The following NIN variants were observed in gnomAD, a reference collection of about 807,000 sequenced individuals.
NIN encodes the protein ninein.
NIN carries 137 observed loss-of-function variants against 257.6 expected under a neutral mutation model. That is an observed-to-expected ratio of 0.53 (90% CI 0.46 to 0.61). The LOEUF (loss-of-function observed/expected upper bound fraction) is 0.61, where lower values mean the gene tolerates loss of function less well. Ranked by LOEUF, NIN falls within the 20% of genes least tolerant of loss-of-function variation. The pLI, the probability that NIN is intolerant of heterozygous loss-of-function variation, is 0.00. For missense variants in NIN, 2,439 were observed against 2,501.2 expected (o/e 0.98, Z 0.53); for synonymous variants, 918 against 919.8 (o/e 1.00, Z 0.04).
chr14:50,729,752 GCTGAGTCCCTTCA>G, intron 28 of NIN, 29 bp from the exon 29 acceptor site: 2 of 1,530,018 alleles, frequency 1.3e-6, no homozygotes, highest in African/African-American at 2.7e-5. Flanking sequence ...GCCCTGTTCA[GCTGAGTCCCTTCA>G]ATCCCAGAGC....
In NIN at chr14:50,726,798, C is replaced by T. The variant is rs1256483906; in HGVS notation, c.6079-732G>A. ...GACTTATTAGAATGCAACCCCCATCCCTCTGCAGTCCACCAAAATGTCCCC... is the reference window on the plus strand; with the variant it reads ...GACTTATTAGAATGCAACCCCCATCTCTCTGCAGTCCACCAAAATGTCCCC... On this transcript the variant is annotated intron_variant, in intron 29 of 30. Transcript: ENST00000530997. Among the ~76,000 whole-genome samples the T allele has an allele frequency of 3.9e-5, 6 of 152,174 alleles. No homozygotes were observed. In the East Asian group the frequency reaches 1.2e-3, roughly 29 times the overall value.
chr14:50,754,859 G>T lies in NIN; in HGVS notation c.4547C>A (p.Ser1516Tyr). 1 of 1,567,028 alleles carries T rather than the reference G, an allele frequency of 6.4e-7. No homozygotes were observed. Among genetic ancestry groups the T allele is most frequent in the Middle Eastern group, 2.0e-4 (1 of 4,904 alleles). The change falls in exon 19 of 31, where the codon TCT (serine) becomes TAT (tyrosine). Residue 1516 changes from serine to tyrosine, a missense_variant. Ser to Tyr is a moderately radical substitution (Grantham distance 144). Transcript: ENST00000530997. ...QQKVELLRYE[S>Y]EKLQQENSIL... ...AGAATTTTCCTGTTGAAGCTTTTCA[G>T]ATTCATATCTGAAGCACAGAGATTG...
intron 12 of NIN, among the ~76,000 whole-genome samples, chr14:50,768,076 C>T (rs1051317236): frequency 3.3e-5 from 5 of 151,120 alleles, no homozygotes; most frequent in African/African-American, 1.2e-4. Flanking sequence ...CACACACACA[C>T]ACACACACAC....
chr14:50,727,812 G>A (rs2040486413), intron 29 of NIN: 7 of 1,372,058 alleles, frequency 5.1e-6, no homozygotes, highest in Non-Finnish European at 6.9e-6. Flanking sequence ...TTTAGGGGGA[G>A]TCTAAATTCA....
chr14:50,761,886 T>A lies in NIN; in HGVS notation c.1800A>T (p.Pro600=). The part of the protein sequence containing the change: ...EHGLGSEECN[P]LNMSIEAELV... The stretch of plus-strand genomic sequence containing the variant: ...GCTCTGCCTCAATGCTCATATTCAA[T>A]GGATTGCATTCTTCAGAACCGAGCC... Residue 600 remains proline (P), a synonymous_variant, in exon 16 of 31, where the codon CCA becomes CCT. Coordinates refer to ENST00000530997, the MANE Select transcript of NIN (RefSeq NM_020921.4). The A allele has an allele frequency of 6.2e-7, 1 of 1,614,166 alleles. No individual in the cohort carries two copies. The highest frequency in any genetic ancestry group is 8.5e-7 in the Non-Finnish European group (1 of 1,180,012).
chr14:50,733,498 G>A (rs192169470), intron 28 of NIN, among the ~76,000 whole-genome samples: 145 of 152,192 alleles, frequency 9.5e-4, no homozygotes, highest in Non-Finnish European at 5.1e-4. Context: ...TTAGCTGTTC[G>A]GCTCCAGTGT....
chr14:50,816,591 AC>A (rs562933820), intron 3 of NIN, among the ~76,000 whole-genome samples: 2 of 152,136 alleles, frequency 1.3e-5, no homozygotes, highest in South Asian at 4.1e-4. Flanking sequence ...CCTGGCACTG[AC>A]TCAAATGAGT....
At chr14:50,804,187 G>C (rs557580670) in intron 4 of NIN, among the ~76,000 whole-genome samples, 1 of 152,112 alleles carries the variant, frequency 6.6e-6, no homozygotes, top group African/African-American at 2.4e-5. Flanking sequence ...ATGAGCCACC[G>C]CACCCAGCTC....
intron 3 of NIN, among the ~76,000 whole-genome samples, chr14:50,814,245 A>T (rs577222296): frequency 1.0e-3 from 154 of 152,336 alleles, no homozygotes; most frequent in Non-Finnish European, 2.0e-3. Flanking sequence ...TACAGATGGA[A>T]ATGAATTCAA....
rs547147737 is a variant in NIN at position 50,722,157 on chromosome 14, T to C, written c.*1306A>G. 54 of 228,048 alleles carry C rather than the reference T, an allele frequency of 2.4e-4. No homozygotes were observed. The highest frequency in any genetic ancestry group is 6.9e-4 in the African/African-American group (31 of 45,122). 14.1% of individuals were successfully genotyped at this position (228,048 alleles called of 1,614,324 possible). A position where few individuals can be genotyped will look rare whatever the true frequency, so the allele number is the denominator to read the frequency against. The stretch of plus-strand genomic sequence containing the variant: ...CGGAAGTGGCTAGCAGAGATTATAA[T>C]TGGAAGAAAAAAAAGGTTACCGAAT... On this transcript the variant is annotated 3_prime_UTR_variant, in exon 31 of 31. Coordinates refer to ENST00000530997, the MANE Select transcript of NIN (RefSeq NM_020921.4).
At position 50,788,032 on chromosome 14, in the gene NIN, T is replaced by C. The variant is rs528733756; in HGVS notation, c.435+4680A>G. Among the ~76,000 whole-genome samples the C allele has an allele frequency of 2.0e-5, 3 of 151,960 alleles. No individual in the cohort carries two copies. In the East Asian group the frequency reaches 5.8e-4, roughly 29 times the overall value. On this transcript the variant is annotated intron_variant, in intron 5 of 30. Coordinates refer to ENST00000530997, the MANE Select transcript of NIN (RefSeq NM_020921.4). ...ACAATAAAGGAAAAGACTGGAATTC[T>C]GTTAAAAAAAAAAGTCTATCCTGAA... is the stretch of plus-strand genomic sequence containing the variant.
Position 50,756,687 on chromosome 14 carries a change from T to A in NIN, c.4343A>T (p.Gln1448Leu), listed in dbSNP as rs1440591707. ...LGFQDKHFQH[Q>L]ATIAELELEK... ...CAGTTCTAACTCTGCTATGGTGGCC[T>A]GATGCTGAAAATGTTTGTCTTGAAA... Residue 1448 changes from glutamine to leucine, a missense_variant, in exon 18 of 31, where the codon CAG becomes CTG. Transcript: ENST00000530997. The A allele has an allele frequency of 5.2e-6, 8 of 1,551,824 alleles. No homozygotes were observed. Among genetic ancestry groups the A allele is most frequent in the Non-Finnish European group, 7.0e-6 (8 of 1,147,038 alleles).
At chr14:50,747,161 T>A (rs901929179) in intron 22 of NIN, among the ~76,000 whole-genome samples, 4 of 152,202 alleles carry the variant, frequency 2.6e-5, no homozygotes, top group Admixed American at 1.3e-4. Context: ...GGCCTAAAGT[T>A]AAGCCTTTGT....
In NIN at chr14:50,741,628, T is replaced by C. The variant is rs1233813365; in HGVS notation, c.5402A>G (p.Gln1801Arg). Residue 1801 changes from glutamine to arginine, a missense_variant, in exon 25 of 31, where the codon CAA becomes CGA. By Grantham distance (43) the Gln-to-Arg change is conservative. Coordinates refer to ENST00000530997, the MANE Select transcript of NIN (RefSeq NM_020921.4). The stretch of plus-strand genomic sequence containing the variant: ...TTGCTTATGTAAAGACATCACTTCT[T>C]GTTTTAAAGCCTCCTTTTCCTGCTG... ...VTQQEKEALK[Q>R]EVMSLHKQLQ... 2 of 1,614,164 alleles carry C rather than the reference T, an allele frequency of 1.2e-6. No individual in the cohort carries two copies. Among genetic ancestry groups the C allele is most frequent in the Admixed American group, 3.3e-5 (2 of 60,028 alleles).
rs551402430 is a variant in NIN at position 50,815,600 on chromosome 14, T to C, written c.183+6274A>G. Among the ~76,000 whole-genome samples the C allele has an allele frequency of 1.3e-4, 20 of 152,344 alleles. No individual in the cohort carries two copies. In the South Asian group the frequency reaches 3.7e-3, roughly 28 times the overall value. On this transcript the variant is annotated intron_variant, in intron 3 of 30. Transcript: ENST00000530997. Reference sequence around the variant, plus strand: ...GAAGATATATGCATGCATATGTTCATTGCAGCACTATTCACAATAGCAAAG... The same window carrying C: ...GAAGATATATGCATGCATATGTTCACTGCAGCACTATTCACAATAGCAAAG...
intron 2 of NIN, among the ~76,000 whole-genome samples, chr14:50,825,055 A>G (rs371403997): frequency 6.6e-6 from 1 of 152,272 alleles, no homozygotes; most frequent in Non-Finnish European, 1.5e-5. Context: ...CGATTACAGC[A>G]TGAGAATAAC....
chr14:50,761,908 A>C lies in NIN; in HGVS notation c.1778T>G (p.Leu593Arg). The change falls in exon 16 of 31, where the codon CTC becomes CGC. Residue 593 changes from leucine (L) to arginine (R), a missense_variant. Transcript: ENST00000530997. ...CAATGGATTGCATTCTTCAGAACCG[A>C]GCCCTGAAAACACATGGGACTCATT... The part of the protein sequence containing the change: ...NSGGIEPEHG[L>R]GSEECNPLNM... 6.2e-7 allele frequency: 1 copy of C among 1,614,096 alleles called. No homozygotes were observed. Among genetic ancestry groups the C allele is most frequent in the Non-Finnish European group, 8.5e-7 (1 of 1,179,982 alleles).
In NIN at chr14:50,756,792, T is replaced by C. The variant is rs1380579655; in HGVS notation, c.4238A>G (p.His1413Arg). The change falls in exon 18 of 31, where the codon CAT becomes CGT. Residue 1413 changes from histidine to arginine, a missense_variant. His to Arg is a conservative substitution (Grantham distance 29). This residue lies in a region of NIN where 2,043 missense variants were observed against 2,050.2 expected (regional missense o/e 1.00). Transcript: ENST00000530997. ...KVKAHEIAWL[H>R]GTIQTHQERP... is the part of the protein sequence containing the mutation. ...TTCTTGATGTGTCTGAATTGTTCCATGTAACCAGGCAATTTCATGTGCTTT... is the reference window on the plus strand; with the variant it reads ...TTCTTGATGTGTCTGAATTGTTCCACGTAACCAGGCAATTTCATGTGCTTT... 2 of 1,551,700 alleles carry C rather than the reference T, an allele frequency of 1.3e-6. No homozygotes were observed. The highest frequency in any genetic ancestry group is 1.7e-6 in the Non-Finnish European group (2 of 1,146,984).
At chr14:50,768,698 T>A (rs1034811592) in intron 12 of NIN, among the ~76,000 whole-genome samples, 7 of 152,196 alleles carry the variant, frequency 4.6e-5, no homozygotes, top group African/African-American at 1.7e-4. Flanking sequence ...GAGCCTTGAC[T>A]GCTAACACAT....
Sources: allele counts gnomAD v4.1 joint callset (sites outside exome capture counted in the v4.1 genomes callset), GRCh38; gene constraint gnomAD v4.1.1; regional missense constraint gnomAD v4.1.1; transcripts MANE v1.5; gene names NCBI Gene and HGNC (gene_info 2026-07-23, HGNC 2026-07-21).